NCKAP5: variants seen among roughly 807,000 people sequenced by gnomAD.
NCKAP5 encodes the protein NCK associated protein 5.
A neutral mutation model predicts 167.0 loss-of-function variants in NCKAP5; 92 were observed. That is an observed-to-expected ratio of 0.55 (90% CI 0.47 to 0.66). NCKAP5 has a LOEUF of 0.66. Among genes scored for constraint, NCKAP5 ranks in the 30% least tolerant of loss-of-function variants. The probability of loss-of-function intolerance (pLI) is 0.00; values close to 1 mark genes in which losing one functional copy is unlikely to be tolerated. For missense variants in NCKAP5, 2,378 were observed against 2,315.0 expected, an observed-to-expected ratio of 1.03 and a Z score of -0.56; for synonymous variants, 891 against 877.4, an observed-to-expected ratio of 1.02 and a Z score of -0.27.
At chr2:133,537,768 G>A (rs1685874317) in intron 2 of NCKAP5, among the ~76,000 whole-genome samples, 1 of 151,802 alleles carries the variant, frequency 6.6e-6, no homozygotes, top group South Asian at 2.1e-4. Flanking sequence ...AGACTCATAG[G>A]GTTGTATACA....
intron 2 of NCKAP5, among the ~76,000 whole-genome samples, chr2:133,542,327 G>A (rs1241874940): frequency 6.6e-6 from 1 of 151,980 alleles, no homozygotes; most frequent in Non-Finnish European, 1.5e-5. Context: ...GGACTGCCCA[G>A]TATCTCATTA....
intron 9 of NCKAP5, 120 bp from the exon 10 acceptor site, chr2:132,869,094 T>C: frequency 1.6e-6 from 1 of 611,442 alleles, no homozygotes; most frequent in Admixed American, 3.3e-5. Flanking sequence ...ATTTGCCTCT[T>C]TCCTCTATAT....
intron 3 of NCKAP5, among the ~76,000 whole-genome samples, chr2:133,398,830 C>A (rs1687917351): frequency 1.3e-5 from 2 of 152,074 alleles, no homozygotes; most frequent in Admixed American, 6.6e-5. Flanking sequence ...CATGGGAGGG[C>A]ACAGCACCCT....
At chr2:132,908,359 T>A (rs901487442) in intron 8 of NCKAP5, among the ~76,000 whole-genome samples, 1 of 152,204 alleles carries the variant, frequency 6.6e-6, no homozygotes, top group Non-Finnish European at 1.5e-5. Context: ...CCTAAGGCAC[T>A]CTGGTCAGTC....
intron 8 of NCKAP5, among the ~76,000 whole-genome samples, chr2:132,922,359 C>A (rs1033037323): frequency 2.2e-4 from 33 of 152,252 alleles, no homozygotes; most frequent in African/African-American, 7.7e-4. Flanking sequence ...AAGTTAAGAG[C>A]CAGGCTTTTC....
intron 4 of NCKAP5, among the ~76,000 whole-genome samples, chr2:133,241,915 C>T (rs919931799): frequency 1.1e-4 from 16 of 151,938 alleles, no homozygotes; most frequent in African/African-American, 3.6e-4. Flanking sequence ...GTAAGGAGTT[C>T]GAGACCAGCC....
intron 3 of NCKAP5, among the ~76,000 whole-genome samples, chr2:133,481,197 T>C (rs1331774054): frequency 1.3e-5 from 2 of 152,170 alleles, no homozygotes; most frequent in African/African-American, 2.4e-5. Context: ...ACAAACATTA[T>C]GGATGGGCTG....
At chr2:133,552,759 A>G (rs1437798162) in intron 2 of NCKAP5, among the ~76,000 whole-genome samples, 3 of 137,384 alleles carry the variant, frequency 2.2e-5, no homozygotes, top group African/African-American at 7.6e-5. Context: ...AAAAAAAGAA[A>G]AAGAAAAAAA....
At chr2:132,750,792 A>G (rs543907714) in intron 16 of NCKAP5, among the ~76,000 whole-genome samples, 2 of 152,314 alleles carry the variant, frequency 1.3e-5, no homozygotes, top group Non-Finnish European at 2.9e-5. Context: ...CTTCAGGATA[A>G]AAGGCTGAAA....
chr2:132,802,248 GCT>G (rs1199658541), intron 11 of NCKAP5, among the ~76,000 whole-genome samples: 5 of 152,118 alleles, frequency 3.3e-5, no homozygotes, highest in African/African-American at 7.2e-5. Flanking sequence ...TGTCACCTTG[GCT>G]AGCTGCTTAT....
chr2:132,939,544 T>C (rs895935739), intron 8 of NCKAP5, among the ~76,000 whole-genome samples: 5 of 152,222 alleles, frequency 3.3e-5, no homozygotes, highest in African/African-American at 1.2e-4. Context: ...TATTTTTTTT[T>C]ACATTAGTTA....
chr2:133,598,436 C>CTGAGAA, the NCKAP5 span, among the ~76,000 whole-genome samples: 1 of 152,212 alleles, frequency 6.6e-6, no homozygotes, highest in African/African-American at 2.4e-5. Flanking sequence ...CCACACAACT[C>CTGAGAA]TGAGAATGAT....
intron 3 of NCKAP5, among the ~76,000 whole-genome samples, chr2:133,313,662 G>A (rs1304664437): frequency 6.7e-6 from 1 of 150,094 alleles, no homozygotes; most frequent in East Asian, 1.9e-4. Flanking sequence ...TTTTTTTTCT[G>A]AGGTAGAAAT....
intron 8 of NCKAP5, among the ~76,000 whole-genome samples, chr2:132,948,575 G>A (rs539537173): frequency 1.3e-4 from 20 of 152,130 alleles, no homozygotes; most frequent in Non-Finnish European, 2.8e-4. Context: ...TCCAAAAGGT[G>A]GAATGGCAAA....
intron 3 of NCKAP5, among the ~76,000 whole-genome samples, chr2:133,384,757 G>T (rs1478759899): frequency 6.6e-6 from 1 of 152,094 alleles, no homozygotes; most frequent in Non-Finnish European, 1.5e-5. Context: ...CCTTGAAGAG[G>T]TCCTTCACAT....
At chr2:132,754,642 G>C (rs1559013051) in intron 16 of NCKAP5, among the ~76,000 whole-genome samples, 1 of 152,198 alleles carries the variant, frequency 6.6e-6, no homozygotes, top group African/African-American at 2.4e-5. Context: ...CATGCCATCT[G>C]TTTTAAAGAA....
At chr2:133,235,731 C>A (rs2087375430) in intron 4 of NCKAP5, among the ~76,000 whole-genome samples, 1 of 151,750 alleles carries the variant, frequency 6.6e-6, no homozygotes, top group Admixed American at 6.6e-5. Context: ...ATGGAGGAAC[C>A]CCATCAGTAC....
At chr2:133,172,613 G>A (rs988889650) in intron 5 of NCKAP5, among the ~76,000 whole-genome samples, 1 of 151,916 alleles carries the variant, frequency 6.6e-6, no homozygotes, top group African/African-American at 2.4e-5. Context: ...TGGGATTACA[G>A]GTGCCCACCA....
At chr2:133,178,590 C>T (rs1485653797) in intron 5 of NCKAP5, among the ~76,000 whole-genome samples, 3 of 146,514 alleles carry the variant, frequency 2.0e-5, no homozygotes, top group African/African-American at 5.2e-5. Flanking sequence ...CTTTGGGAGG[C>T]CGATGCGGGC....
Sources: gnomAD v4.1 joint callset for allele counts (sites outside exome capture counted in the v4.1 genomes callset) on GRCh38, gnomAD v4.1.1 for gene constraint, MANE v1.5 for transcripts, NCBI Gene and HGNC (gene_info 2026-07-23, HGNC 2026-07-21) for gene names.